Variants in TTI1 observed in about 807,000 individuals in gnomAD.
TTI1 encodes TELO2-interacting protein 1 homolog.
In TTI1, 52 loss-of-function variants were observed where a neutral mutation model predicts 85.4. That is an observed-to-expected ratio of 0.61 (90% CI 0.49 to 0.77). The LOEUF is 0.77. Among genes scored for constraint, TTI1 ranks in the 30% least tolerant of loss-of-function variants. The pLI is 0.00. For missense variants in TTI1, 1,173 were observed against 1,296.0 expected (o/e 0.91, Z 1.46); for synonymous variants, 512 against 503.9 (o/e 1.02, Z -0.22).
At chr20:38,005,349 T>C (rs908056785) in intron 3 of TTI1, among the ~76,000 whole-genome samples, 1 of 152,168 alleles carries the variant, frequency 6.6e-6, no homozygotes, top group African/African-American at 2.4e-5. Flanking sequence ...AGCTCCAGAT[T>C]GAGCTTGTGA....
At chr20:37,987,242 T>A (rs1191895657) in intron 7 of TTI1, 1 of 456,716 alleles carries the variant, frequency 2.2e-6, no homozygotes, top group Admixed American at 2.3e-5. Context: ...CAGCCTTAGC[T>A]GAAACCAGAG....
chr20:37,983,850 T>C (rs745923020), intron 7 of TTI1, among the ~76,000 whole-genome samples: 6 of 152,180 alleles, frequency 3.9e-5, no homozygotes, highest in Non-Finnish European at 8.8e-5. Flanking sequence ...AGGTAACAGT[T>C]TCATATCCAT....
rs200122089 is a variant in TTI1 at position 37,996,961 on chromosome 20, A to G, written c.2794-8T>C. ...TCCCAGGGTACGTAAAACCTGCAGA[A>G]ACAGCCTCCAACCTGGTGAGTGAAC... On this transcript the variant is annotated splice_polypyrimidine_tract_variant and splice_region_variant and intron_variant, in intron 5 of 7. Transcript: ENST00000373447. 34 of 1,612,094 alleles carry G rather than the reference A, an allele frequency of 2.1e-5. No homozygotes were observed. The highest frequency in any genetic ancestry group is 2.7e-5 in the Non-Finnish European group (32 of 1,179,146).
At chr20:37,993,340 C>T (rs2073292972) in intron 7 of TTI1, among the ~76,000 whole-genome samples, 1 of 152,050 alleles carries the variant, frequency 6.6e-6, no homozygotes, top group Non-Finnish European at 1.5e-5. Flanking sequence ...ACCCCCTGAT[C>T]AATGTCCATT....
rs1434145762 is a variant in TTI1 at position 38,012,419 on chromosome 20, C to T, written c.1398G>A (p.Gln466=). The T allele has an allele frequency of 1.9e-6, 3 of 1,614,216 alleles. No individual in the cohort carries two copies. The highest frequency in any genetic ancestry group is 3.3e-5 in the Admixed American group (2 of 60,028). Residue 466 remains glutamine, a synonymous_variant, in exon 2 of 8, where the codon CAG becomes CAA. Transcript: ENST00000373447. The part of the protein sequence containing the change: ...LNASPKTSAT[Q]PWNRIQRRYF... ...ATCTCCTCTGGATGCGGTTCCAAGG[C>T]TGTGTGGCTGAGGTCTTTGGAGAAG...
At chr20:37,997,194 G>A (rs1313948840) in intron 5 of TTI1, among the ~76,000 whole-genome samples, 2 of 151,462 alleles carry the variant, frequency 1.3e-5, no homozygotes, top group African/African-American at 4.9e-5. Flanking sequence ...TAATTCAAAG[G>A]AATCTTGGGT....
At chr20:38,026,499 T>C (rs907715575) in intron 1 of TTI1, among the ~76,000 whole-genome samples, 28 of 152,144 alleles carry the variant, frequency 1.8e-4, no homozygotes, top group Non-Finnish European at 4.0e-4. Flanking sequence ...AGAAACCATG[T>C]AGGCCAGAAA....
intron 1 of TTI1, among the ~76,000 whole-genome samples, chr20:38,029,047 T>C (rs1486518478): frequency 6.6e-6 from 1 of 152,060 alleles, no homozygotes; most frequent in Non-Finnish European, 1.5e-5. Flanking sequence ...AGACAGATGA[T>C]TATCCTGCCA....
At chr20:37,999,707 G>T (rs1770600211) in intron 4 of TTI1, among the ~76,000 whole-genome samples, 1 of 152,222 alleles carries the variant, frequency 6.6e-6, no homozygotes, top group Non-Finnish European at 1.5e-5. Flanking sequence ...CACAAAGGAT[G>T]AGTAGGAGTT....
chr20:38,027,495 T>C (rs1300300827), intron 1 of TTI1, among the ~76,000 whole-genome samples: 3 of 152,220 alleles, frequency 2.0e-5, no homozygotes, highest in Admixed American at 6.5e-5. Context: ...CCCCAAAAAC[T>C]TAACTATTGA....
intron 1 of TTI1, among the ~76,000 whole-genome samples, chr20:38,030,953 T>G (rs887305423): frequency 1.3e-5 from 2 of 152,240 alleles, no homozygotes; most frequent in African/African-American, 4.8e-5. Flanking sequence ...TATAGTTGCT[T>G]AGGCCAAAAC....
At chr20:37,986,758 G>C (rs574248558) in intron 7 of TTI1, among the ~76,000 whole-genome samples, 47 of 152,218 alleles carry the variant, frequency 3.1e-4, no homozygotes, top group African/African-American at 1.1e-3. Flanking sequence ...CAGAAAGAGA[G>C]AGAGAGGGAC....
At chr20:38,031,362 T>C (rs1278846923) in intron 1 of TTI1, among the ~76,000 whole-genome samples, 1 of 152,236 alleles carries the variant, frequency 6.6e-6, no homozygotes, top group Admixed American at 6.5e-5. Flanking sequence ...CCAGCTTTAT[T>C]GTCCTCTCTG....
chr20:38,003,106 G>C lies in TTI1; in HGVS notation c.2504-330C>G, dbSNP rs574947767. On this transcript the variant is annotated intron_variant, in intron 3 of 7. Transcript: ENST00000373447. ...CTCCTGAGTGGCTAGGACTACAGGT[G>C]CATGTCACCATGCCCAACTAATTTT... Among the ~76,000 whole-genome samples, 195 of 152,232 alleles carry C rather than the reference G, an allele frequency of 1.3e-3. 3 individuals are homozygous for C. The Middle Eastern group carries it at 0.024, about 19-fold the overall frequency.
At chr20:38,030,566 G>A (rs2073894228) in intron 1 of TTI1, among the ~76,000 whole-genome samples, 1 of 117,756 alleles carries the variant, frequency 8.5e-6, no homozygotes, top group Admixed American at 7.8e-5. Flanking sequence ...CACACACCAT[G>A]ATAAAGTGGG....
intron 3 of TTI1, 39 bp downstream of exon 3, chr20:38,006,158 A>G (rs2073494564): frequency 1.2e-6 from 2 of 1,608,400 alleles, no homozygotes; most frequent in African/African-American, 1.3e-5. Flanking sequence ...AATCTGTTTC[A>G]GAAAGAAAAA....
At chr20:38,017,897 GA>G (rs1414798660) in intron 1 of TTI1, among the ~76,000 whole-genome samples, 1 of 152,170 alleles carries the variant, frequency 6.6e-6, no homozygotes, top group East Asian at 1.9e-4. Context: ...CTCTAATAAG[GA>G]TGAACCAAAG....
At chr20:38,028,457 A>T (rs2073863123) in intron 1 of TTI1, among the ~76,000 whole-genome samples, 1 of 152,260 alleles carries the variant, frequency 6.6e-6, no homozygotes. Flanking sequence ...TAACAGGTAT[A>T]TCTACTAAGA....
rs1444975574 is a variant in TTI1, at chr20:38,011,857, A to G, written c.1960T>C (p.Tyr654His). The G allele has an allele frequency of 6.2e-7, 1 of 1,614,114 alleles. No individual in the cohort carries two copies. The highest frequency in any genetic ancestry group is 2.2e-5 in the East Asian group (1 of 44,896). ...DFCLLLMSAL[Y>H]PVLEKAGDQT... ...TCTCCAGCCTTCTCCAGTACTGGAT[A>G]AAGGGCTGACATCAAGAGCAAACAG... The change falls in exon 2 of 8, where the codon TAT (tyrosine) becomes CAT (histidine). Residue 654 changes from tyrosine (Y) to histidine (H), a missense_variant. Transcript: ENST00000373447.
Sources: gnomAD v4.1 joint callset for allele counts (sites outside exome capture counted in the v4.1 genomes callset) on GRCh38, gnomAD v4.1.1 for gene constraint, MANE v1.5 for transcripts, NCBI Gene and HGNC (gene_info 2026-07-23, HGNC 2026-07-21) for gene names.